Variants in VCL observed in about 807,000 individuals in gnomAD.
VCL encodes the protein vinculin.
Under a neutral mutation model 125.7 loss-of-function variants are expected in VCL, and 47 were observed. The ratio of observed to expected loss-of-function variants is 0.37; its 90% CI spans 0.30 to 0.48. The LOEUF is 0.48. Among genes scored for constraint, VCL ranks in the 20% least tolerant of loss-of-function variants. The probability of loss-of-function intolerance (pLI) is 0.99; values close to 1 mark genes in which losing one functional copy is unlikely to be tolerated. For synonymous variants in VCL, 458 were observed against 514.6 expected (o/e 0.89, Z 1.49); for missense variants, 1,069 against 1,455.5 (o/e 0.73, Z 4.32).
chr10:74,057,906 C>T (rs1841416539), intron 2 of VCL, among the ~76,000 whole-genome samples: 1 of 152,154 alleles, frequency 6.6e-6, no homozygotes, highest in Non-Finnish European at 1.5e-5. Flanking sequence ...GCACTCCAGC[C>T]CAGACAAAAG....
chr10:74,072,883 G>A lies in VCL; in HGVS notation c.622+31G>A, dbSNP rs781510936. 3.7e-5 allele frequency: 59 copies of A among 1,613,544 alleles called. No individual in the cohort carries two copies. The South Asian group carries it at 4.8e-4, about 13-fold the overall frequency. On this transcript the variant is annotated intron_variant, in intron 5 of 21. Coordinates refer to ENST00000211998, the MANE Select transcript of VCL (RefSeq NM_014000.3). Reference sequence around the variant, plus strand: ...TCCTGCCTGTACTTTATTTTATAGGGGGGAAAAATGTTAGCATGTTCTAAA... The same window carrying A: ...TCCTGCCTGTACTTTATTTTATAGGAGGGAAAAATGTTAGCATGTTCTAAA...
chr10:74,032,237 G>C (rs1033296802), intron 1 of VCL, among the ~76,000 whole-genome samples: 1 of 38,296 alleles, frequency 2.6e-5, no homozygotes, highest in Non-Finnish European at 5.2e-5. Flanking sequence ...CTCTGTTTCA[G>C]AATAAAAAAA....
Position 74,118,269 on chromosome 10 carries a change from C to G in VCL, c.*100C>G. The G allele has an allele frequency of 1.4e-6, 2 of 1,477,902 alleles. No individual in the cohort carries two copies. The highest frequency in any genetic ancestry group is 1.9e-6 in the Non-Finnish European group (2 of 1,075,238). The allele number at this position is 1,477,902 out of a possible 1,614,324, so 91.5% of individuals were successfully genotyped here. A position where few individuals can be genotyped will look rare whatever the true frequency, so the allele number is the denominator to read the frequency against. On this transcript the variant is annotated 3_prime_UTR_variant, in exon 22 of 22. Transcript: ENST00000211998. ...CCAGAGTTGCTGGGAGCTGAAAAAT[C>G]ACATCCTGGCCTGGCACATCAGAAA...
At chr10:74,039,067 A>G (rs1841041431) in intron 1 of VCL, among the ~76,000 whole-genome samples, 1 of 151,966 alleles carries the variant, frequency 6.6e-6, no homozygotes, top group Admixed American at 6.6e-5. Flanking sequence ...ATCCGCCACC[A>G]CGCCCAGCTA....
At chr10:74,004,491 G>T (rs1263179092) in intron 1 of VCL, among the ~76,000 whole-genome samples, 1 of 152,108 alleles carries the variant, frequency 6.6e-6, no homozygotes, top group Non-Finnish European at 1.5e-5. Flanking sequence ...TCTACTTAGA[G>T]CAAAGTTGTT....
chr10:74,023,207 GATA>G (rs995364549), intron 1 of VCL, among the ~76,000 whole-genome samples: 2 of 152,180 alleles, frequency 1.3e-5, no homozygotes, highest in African/African-American at 2.4e-5. Context: ...GGTACCATAA[GATA>G]ATAATATATT....
In VCL at chr10:74,071,729, T is replaced by C; in HGVS notation, c.499+646T>C. On this transcript the variant is annotated intron_variant, in intron 4 of 21. Transcript: ENST00000211998. The surrounding 1 kb of genome is among the most constrained non-coding windows in gnomAD (Gnocchi z 4.1). The stretch of plus-strand genomic sequence containing the variant: ...TTTAACCTGCTTAACTTGATTGTTA[T>C]CACTTTATAAAATTCATTTGTTTTA... Among the ~76,000 whole-genome samples the C allele has an allele frequency of 6.6e-6, 1 of 152,230 alleles. No homozygotes were observed.
At chr10:74,088,098 T>C (rs11000869) in intron 8 of VCL, among the ~76,000 whole-genome samples, 50,750 of 152,126 alleles carry the variant, frequency 0.33, 9,474 homozygotes, top group East Asian at 0.75. Context: ...ATCCTAAAAA[T>C]AGAAGTTCTG....
At chr10:74,073,439 C>T (rs1465196960) in intron 5 of VCL, among the ~76,000 whole-genome samples, 1 of 152,132 alleles carries the variant, frequency 6.6e-6, no homozygotes, top group African/African-American at 2.4e-5. Context: ...TCTAACAAGC[C>T]CCTTTGCTGG....
At chr10:74,033,822 A>G (rs920802301) in intron 1 of VCL, among the ~76,000 whole-genome samples, 10 of 151,954 alleles carry the variant, frequency 6.6e-5, no homozygotes, top group Admixed American at 2.0e-4. Context: ...TTTTCTTCCT[A>G]TGTTACCAAT....
At chr10:74,041,625 G>T (rs1040661387) in intron 1 of VCL, among the ~76,000 whole-genome samples, 3 of 152,148 alleles carry the variant, frequency 2.0e-5, no homozygotes, top group Non-Finnish European at 4.4e-5. Flanking sequence ...GGGAGTGGTG[G>T]CTCATGCCTG....
chr10:74,107,323 C>T lies in VCL; in HGVS notation c.2528C>T (p.Pro843Leu), dbSNP rs764302249. 1.7e-5 allele frequency: 27 copies of T among 1,614,046 alleles called. No individual in the cohort carries two copies. Among genetic ancestry groups the T allele is most frequent in the South Asian group, 3.3e-5 (3 of 91,076 alleles). ...EAFQPQEPDF[P>L]PPPPDLEQLR... ...TTCCAACCTCAGGAGCCTGACTTCC[C>T]GCCGCCTCCACCAGACCTTGAACAA... Residue 843 changes from proline (P) to leucine (L), a missense_variant, in exon 17 of 22, where the codon CCG becomes CTG. Pro to Leu is a moderately conservative substitution (Grantham distance 98). Coordinates refer to ENST00000211998, the MANE Select transcript of VCL (RefSeq NM_014000.3).
chr10:74,043,020 A>G (rs1841123774), intron 1 of VCL, 63 bp from the exon 2 acceptor site: 8 of 1,409,950 alleles, frequency 5.7e-6, no homozygotes. Flanking sequence ...AAATATGCTT[A>G]AGTAATAGTT....
chr10:74,024,483 C>T (rs1214730129), intron 1 of VCL, among the ~76,000 whole-genome samples: 1 of 151,952 alleles, frequency 6.6e-6, no homozygotes, highest in Non-Finnish European at 1.5e-5. Flanking sequence ...TGGTGGCAGG[C>T]GCCTGTAGTA....
intron 21 of VCL, 64 bp from the exon 22 acceptor site, chr10:74,117,959 C>G (rs1840335559): frequency 1.2e-6 from 2 of 1,610,770 alleles, no homozygotes; most frequent in African/African-American, 1.3e-5. Flanking sequence ...CTGGCTGAAA[C>G]CTATTTTAGA....
chr10:74,066,291 T>G (rs191274996), intron 2 of VCL, among the ~76,000 whole-genome samples: 2,817 of 152,194 alleles, frequency 0.019, 39 homozygotes, highest in South Asian at 0.033. Flanking sequence ...ACTCCCGACC[T>G]CAGGTGATCT....
At chr10:74,001,361 T>G (rs1245242324) in intron 1 of VCL, among the ~76,000 whole-genome samples, 1 of 152,180 alleles carries the variant, frequency 6.6e-6, no homozygotes, top group African/African-American at 2.4e-5. Flanking sequence ...GACAGGGTCT[T>G]GTTATGTTGC....
intron 2 of VCL, among the ~76,000 whole-genome samples, chr10:74,052,170 T>TA (rs1242123687): frequency 6.6e-6 from 1 of 152,150 alleles, no homozygotes; most frequent in Non-Finnish European, 1.5e-5. Flanking sequence ...GTGTGTCTTA[T>TA]GGGGAGGTGC....
In VCL at chr10:74,105,341, A is replaced by G. The variant is rs1840115208; in HGVS notation, c.2422A>G (p.Ile808Val). 3 of 1,612,134 alleles carry G rather than the reference A, an allele frequency of 1.9e-6. No individual in the cohort carries two copies. Among genetic ancestry groups the G allele is most frequent in the Non-Finnish European group, 2.5e-6 (3 of 1,179,966 alleles). The change falls in exon 16 of 22, where the codon ATT (isoleucine) becomes GTT (valine). Residue 808 changes from isoleucine (I) to valine (V), a missense_variant. Coordinates refer to ENST00000211998, the MANE Select transcript of VCL (RefSeq NM_014000.3). ...GGATGCAAAAGCTGTGGCTGGAAAC[A>G]TTTCCGACCCTGGTAAGCAATGCAT... ...VMDAKAVAGN[I>V]SDPGLQKSFL...
Sources: gnomAD v4.1 joint callset for allele counts (sites outside exome capture counted in the v4.1 genomes callset) on GRCh38, gnomAD v4.1.1 for gene constraint, Gnocchi (gnomAD v3.1) non-coding constraint, MANE v1.5 for transcripts, NCBI Gene and HGNC (gene_info 2026-07-23, HGNC 2026-07-21) for gene names.